DBF4: variants seen among roughly 807,000 people sequenced by gnomAD.
The protein encoded by DBF4 is protein DBF4 homolog A.
DBF4 carries 25 observed loss-of-function variants against 76.6 expected under a neutral mutation model. The observed-to-expected ratio is 0.33, with a 90% confidence interval of 0.24 to 0.46. The LOEUF (loss-of-function observed/expected upper bound fraction) is 0.46. Among genes scored for constraint, DBF4 ranks in the 20% least tolerant of loss-of-function variants. The pLI is 1.00. For missense variants in DBF4, 638 were observed against 760.8 expected (o/e 0.84, Z 1.90); for synonymous variants, 213 against 258.0 (o/e 0.83, Z 1.67).
chr7:87,898,899 CAT>C (rs1440376626), intron 8 of DBF4, among the ~76,000 whole-genome samples: 4 of 151,384 alleles, frequency 2.6e-5, no homozygotes, highest in African/African-American at 7.3e-5. Flanking sequence ...GGAATAAAGA[CAT>C]ATAAACGAAT....
chr7:87,880,202 G>A (rs565789503), intron 2 of DBF4, among the ~76,000 whole-genome samples: 13 of 152,258 alleles, frequency 8.5e-5, no homozygotes, highest in East Asian at 1.9e-4. Context: ...TACTTGCCCC[G>A]TCACCTTCTT....
At chr7:87,903,429 G>A (rs1839838544) in intron 10 of DBF4, among the ~76,000 whole-genome samples, 1 of 152,188 alleles carries the variant, frequency 6.6e-6, no homozygotes, top group South Asian at 2.1e-4. Context: ...TCTGTTATGA[G>A]CACTGGGTAA....
chr7:87,886,746 A>C, intron 3 of DBF4, 98 bp from the exon 4 acceptor site: 4 of 743,682 alleles, frequency 5.4e-6, no homozygotes, highest in South Asian at 1.7e-5. Flanking sequence ...AAACTTTTTA[A>C]TATGAGACCC....
chr7:87,878,002 A>C, intron 1 of DBF4, 51 bp from the exon 2 acceptor site: 3 of 1,341,258 alleles, frequency 2.2e-6, no homozygotes, highest in Non-Finnish European at 3.1e-6. Flanking sequence ...AATATTTTAA[A>C]AATAGTAAAA....
chr7:87,889,306 C>T (rs1839431946), intron 6 of DBF4, among the ~76,000 whole-genome samples: 1 of 150,020 alleles, frequency 6.7e-6, no homozygotes, highest in African/African-American at 2.5e-5. Context: ...GAGGCAGGCC[C>T]TCCCCCTCTG....
intron 1 of DBF4, 121 bp from the exon 2 acceptor site, chr7:87,877,932 T>C: frequency 2.4e-6 from 2 of 820,456 alleles, no homozygotes; most frequent in Non-Finnish European, 3.7e-6. Flanking sequence ...TACATTTCAA[T>C]GCTAATAACT....
intron 6 of DBF4, among the ~76,000 whole-genome samples, chr7:87,893,470 C>T (rs1839547847): frequency 6.6e-6 from 1 of 151,846 alleles, no homozygotes; most frequent in Admixed American, 6.6e-5. Context: ...TGGTCTCGAT[C>T]TCCTGACCTC....
rs145496603 is a variant in DBF4, at chr7:87,907,319, A to G, written c.1181A>G (p.Glu394Gly). 411 of 1,613,932 alleles carry G rather than the reference A, an allele frequency of 2.5e-4. 1 individual carries two copies. Among genetic ancestry groups the G allele is most frequent in the Non-Finnish European group, 3.2e-4 (377 of 1,179,950 alleles). Residue 394 changes from glutamate (E) to glycine (G), a missense_variant, in exon 12 of 12, where the codon GAG (glutamate) becomes GGG (glycine). Glu to Gly is a moderately conservative substitution (Grantham distance 98). Coordinates refer to ENST00000265728, the MANE Select transcript of DBF4 (RefSeq NM_006716.4). Reference sequence around the variant, plus strand: ...CAGGAAGATGATACAACAGTGAAGGAGCAGAATTTCCTGTATAAAGAGACC... The same window carrying G: ...CAGGAAGATGATACAACAGTGAAGGGGCAGAATTTCCTGTATAAAGAGACC... ...DCQEDDTTVKEQNFLYKETQE... is the reference protein window; with the variant it reads ...DCQEDDTTVKGQNFLYKETQE...
intron 6 of DBF4, among the ~76,000 whole-genome samples, chr7:87,892,228 A>G (rs1839510701): frequency 6.6e-6 from 1 of 152,198 alleles, no homozygotes; most frequent in Non-Finnish European, 1.5e-5. Context: ...CCACTGCCCT[A>G]AAAATCTTCC....
chr7:87,905,107 C>A (rs1164223406), intron 11 of DBF4, among the ~76,000 whole-genome samples: 1 of 152,178 alleles, frequency 6.6e-6, no homozygotes, highest in Admixed American at 6.5e-5. Context: ...TGTGCCACTA[C>A]ACCCCACTAA....
At chr7:87,898,607 C>A (rs1281600604) in intron 8 of DBF4, among the ~76,000 whole-genome samples, 1 of 151,824 alleles carries the variant, frequency 6.6e-6, no homozygotes, top group African/African-American at 2.4e-5. Flanking sequence ...CTGGCTAATA[C>A]GGTGAAACCC....
At position 87,887,497 on chromosome 7, in the gene DBF4, A is replaced by G. The variant is rs1386858974; in HGVS notation, c.520+99A>G. 6.8e-6 allele frequency: 9 copies of G among 1,318,700 alleles called. No individual in the cohort carries two copies. In the African/African-American group the frequency reaches 1.2e-4, roughly 17 times the overall value. The allele number at this position is 1,318,700 out of a possible 1,614,324, so 81.7% of individuals were successfully genotyped here. On this transcript the variant is annotated intron_variant, in intron 5 of 11. Coordinates refer to ENST00000265728, the MANE Select transcript of DBF4 (RefSeq NM_006716.4). ...ACATAGTGAAATTTTGATAGCAGGGATGTCTTAATCTGTTTCCTATTGCTT... is the reference window on the plus strand; with the variant it reads ...ACATAGTGAAATTTTGATAGCAGGGGTGTCTTAATCTGTTTCCTATTGCTT...
intron 2 of DBF4, among the ~76,000 whole-genome samples, chr7:87,884,001 CAT>C (rs1839281706): frequency 6.6e-6 from 1 of 152,070 alleles, no homozygotes; most frequent in Admixed American, 6.5e-5. Flanking sequence ...CACTTTGGTA[CAT>C]GTCTTTATAA....
chr7:87,899,266 G>A (rs913899634), intron 8 of DBF4, among the ~76,000 whole-genome samples: 12 of 152,124 alleles, frequency 7.9e-5, no homozygotes, highest in Admixed American at 1.3e-4. Flanking sequence ...TGTGCCTAAA[G>A]GGATATAACA....
At position 87,907,389 on chromosome 7, in the gene DBF4, C is replaced by T. The variant is rs1205186822; in HGVS notation, c.1251C>T (p.Pro417=). 1 of 1,613,974 alleles carries T rather than the reference C, an allele frequency of 6.2e-7. No individual in the cohort carries two copies. The highest frequency in any genetic ancestry group is 8.5e-7 in the Non-Finnish European group (1 of 1,179,934). The change falls in exon 12 of 12, where the codon CCC becomes CCT. Residue 417 remains proline, a synonymous_variant. Coordinates refer to ENST00000265728, the MANE Select transcript of DBF4 (RefSeq NM_006716.4). ...TCCTGTTTATTTCAGAGCCCATCCC[C>T]CACCCTTCAAATGAATTGAGAGGGC... ...KKLLFISEPI[P]HPSNELRGLN... is the part of the protein sequence containing the mutation.
intron 8 of DBF4, among the ~76,000 whole-genome samples, chr7:87,899,852 T>C (rs1009739128): frequency 6.6e-6 from 1 of 152,148 alleles, no homozygotes; most frequent in Non-Finnish European, 1.5e-5. Context: ...TCAGGGGATA[T>C]GGAGAAAGGA....
At chr7:87,878,440 A>G in intron 2 of DBF4, 3 of 444,032 alleles carry the variant, frequency 6.8e-6, no homozygotes, top group Non-Finnish European at 1.2e-5. Flanking sequence ...TCTAGTGTAA[A>G]GTTCTTAGAG....
intron 2 of DBF4, among the ~76,000 whole-genome samples, chr7:87,884,129 A>G: frequency 6.6e-6 from 1 of 152,218 alleles, no homozygotes; most frequent in East Asian, 1.9e-4. Flanking sequence ...TGAAGCCTCA[A>G]GGGAAGGTGT....
intron 9 of DBF4, 58 bp from the exon 10 acceptor site, chr7:87,900,706 T>C: frequency 2.8e-6 from 4 of 1,407,224 alleles, no homozygotes; most frequent in Non-Finnish European, 3.9e-6. Context: ...ACAATAAATT[T>C]TTAAAGTTAT....
Sources: allele counts gnomAD v4.1 joint callset (sites outside exome capture counted in the v4.1 genomes callset), GRCh38; gene constraint gnomAD v4.1.1; transcripts MANE v1.5; gene names NCBI Gene and HGNC (gene_info 2026-07-23, HGNC 2026-07-21).